Variants in GPAT3 observed in about 807,000 individuals in gnomAD.
GPAT3 encodes the protein glycerol-3-phosphate acyltransferase 3.
GPAT3 carries 53 observed loss-of-function variants against 58.8 expected under a neutral mutation model. The ratio of observed to expected loss-of-function variants is 0.90; its 90% CI spans 0.72 to 1.13. The LOEUF (loss-of-function observed/expected upper bound fraction) is 1.13, where lower values mean the gene tolerates loss of function less well. Ranked by LOEUF, GPAT3 falls within the 50% of genes most tolerant of loss-of-function variation. GPAT3 has a pLI of 0.00. For missense variants in GPAT3, 511 were observed against 527.6 expected, an observed-to-expected ratio of 0.97 and a Z score of 0.31; for synonymous variants, 197 against 187.4, an observed-to-expected ratio of 1.05 and a Z score of -0.42.
chr4:83,599,326 G>A (rs1001581636), intron 11 of GPAT3, among the ~76,000 whole-genome samples: 2 of 152,150 alleles, frequency 1.3e-5, no homozygotes, highest in Non-Finnish European at 2.9e-5. Flanking sequence ...TACTCAGTGT[G>A]TACAGCAAAT....
intron 1 of GPAT3, among the ~76,000 whole-genome samples, chr4:83,544,220 C>T (rs974768639): frequency 2.0e-5 from 3 of 152,250 alleles, no homozygotes; most frequent in East Asian, 1.9e-4. Context: ...TTCTTGATGC[C>T]GTGACCTGTA....
intron 2 of GPAT3, among the ~76,000 whole-genome samples, chr4:83,561,504 C>T (rs1578172272): frequency 6.6e-6 from 1 of 152,134 alleles, no homozygotes; most frequent in African/African-American, 2.4e-5. Context: ...AAATAACATC[C>T]TCATTGTCAG....
chr4:83,573,914 C>A (rs759242701), intron 2 of GPAT3, among the ~76,000 whole-genome samples: 7 of 152,180 alleles, frequency 4.6e-5, no homozygotes, highest in Non-Finnish European at 8.8e-5. Context: ...AGAACATTCC[C>A]CCAAGGCCCC....
In GPAT3 at chr4:83,581,796, G is replaced by A. The variant is rs544702576; in HGVS notation, c.443G>A (p.Gly148Asp). ...CGGCTCACTATGGTGTGGGTGCTGG[G>A]CGTCATAGTGCGCTATTGTGTCCTA... ...SLRLTMVWVL[G>D]VIVRYCVLLP... is the part of the protein sequence containing the mutation. The change falls in exon 3 of 12, where the codon GGC becomes GAC. Residue 148 changes from glycine (G) to aspartate (D), a missense_variant. Coordinates refer to ENST00000264409, the MANE Select transcript of GPAT3 (RefSeq NM_032717.5). 9.9e-6 allele frequency: 16 copies of A among 1,614,058 alleles called. No homozygotes were observed. In the East Asian group the frequency reaches 1.3e-4, roughly 13 times the overall value.
intron 3 of GPAT3, 135 bp downstream of exon 3, chr4:83,581,967 C>A: frequency 2.5e-6 from 3 of 1,213,416 alleles, no homozygotes; most frequent in Non-Finnish European, 3.4e-6. Flanking sequence ...CCAAACATGA[C>A]CTCTAAAGGA....
chr4:83,545,540 A>G (rs1444923977), intron 2 of GPAT3, among the ~76,000 whole-genome samples: 2 of 152,208 alleles, frequency 1.3e-5, no homozygotes, highest in Admixed American at 1.3e-4. Flanking sequence ...TGTATTCTAT[A>G]GTGAGTTTTG....
chr4:83,537,002 C>A lies in GPAT3; in HGVS notation c.141+239C>A, dbSNP rs1326636974. Among the ~76,000 whole-genome samples, 3 of 152,072 alleles carry A rather than the reference C, an allele frequency of 2.0e-5. No individual in the cohort carries two copies. In the East Asian group the frequency reaches 5.8e-4, roughly 29 times the overall value. On this transcript the variant is annotated intron_variant, in intron 1 of 11. Transcript: ENST00000264409. ...ACTCTGTTGTTTCTCTGGTCGAAGG[C>A]GAAAAAATCATTCCACTCCCTGAGC...
intron 6 of GPAT3, among the ~76,000 whole-genome samples, chr4:83,591,442 G>A (rs984788705): frequency 6.6e-6 from 1 of 152,110 alleles, no homozygotes; most frequent in African/African-American, 2.4e-5. Flanking sequence ...CTAAGAAAGC[G>A]TTAGCCACCT....
rs115170924 is a variant in GPAT3 at position 83,593,821 on chromosome 4, A to G, written c.739-1024A>G. 2.6e-3 allele frequency among the ~76,000 whole-genome samples: 397 copies of G among 152,238 alleles called. 1 individual carries two copies. The highest frequency in any genetic ancestry group is 6.6e-3 in the Admixed American group (101 of 15,282). On this transcript the variant is annotated intron_variant, in intron 6 of 11. Transcript: ENST00000264409. ...TGTTCTTTTACTCATTTAAAATCCA[A>G]TTGGGTTCACTGGCTTCAGTTTGCT...
rs572673565 is a variant in GPAT3, at chr4:83,572,384, A to G, written c.209-9178A>G. Among the ~76,000 whole-genome samples, 4 of 152,344 alleles carry G rather than the reference A, an allele frequency of 2.6e-5. No homozygotes were observed. In the South Asian group the frequency reaches 8.3e-4, roughly 32 times the overall value. The stretch of plus-strand genomic sequence containing the variant: ...TCTTAAGTGCATTTTTAAGCATAGT[A>G]TTAATTTTTTAAAAGTAGAAAGAAT... On this transcript the variant is annotated intron_variant, in intron 2 of 11. Coordinates refer to ENST00000264409, the MANE Select transcript of GPAT3 (RefSeq NM_032717.5).
chr4:83,605,688 C>T lies in GPAT3; in HGVS notation c.*921C>T, dbSNP rs1727227985. Reference sequence around the variant, plus strand: ...ACAGAAAAATGACTGATATAATTATCTTTTGGAAACTGAGCCTTAATTTTT... The same window carrying T: ...ACAGAAAAATGACTGATATAATTATTTTTTGGAAACTGAGCCTTAATTTTT... On this transcript the variant is annotated 3_prime_UTR_variant, in exon 12 of 12. Transcript: ENST00000264409. 1 of 152,440 alleles carries T rather than the reference C, an allele frequency of 6.6e-6. No homozygotes were observed. The highest frequency in any genetic ancestry group is 1.5e-5 in the Non-Finnish European group (1 of 68,008). The allele number at this position is 152,440 out of a possible 1,614,324, so 9.4% of individuals were successfully genotyped here.
At chr4:83,591,067 G>A (rs1726581512) in intron 6 of GPAT3, among the ~76,000 whole-genome samples, 1 of 152,050 alleles carries the variant, frequency 6.6e-6, no homozygotes. Flanking sequence ...CTAGGGGATC[G>A]CCTTTTCAAA....
rs1171441049 is a variant in GPAT3, at chr4:83,598,153, T to C, written c.1099T>C (p.Trp367Arg). 1.2e-6 allele frequency: 2 copies of C among 1,613,582 alleles called. No homozygotes were observed. Among genetic ancestry groups the C allele is most frequent in the South Asian group, 2.2e-5 (2 of 91,014 alleles). ...CAGCTGGGCCATCGTCTGTGACGTG[T>C]GGTACATGCCCCCCATGACCAGAGA... ...MTSWAIVCDV[W>R]YMPPMTREEG... Residue 367 changes from tryptophan (W) to arginine (R), a missense_variant, in exon 10 of 12, where the codon TGG becomes CGG. Trp to Arg is a moderately radical substitution (Grantham distance 101). Coordinates refer to ENST00000264409, the MANE Select transcript of GPAT3 (RefSeq NM_032717.5).
At chr4:83,590,398 C>A in intron 6 of GPAT3, 106 bp downstream of exon 6, 1 of 937,376 alleles carries the variant, frequency 1.1e-6, no homozygotes, top group Non-Finnish European at 1.6e-6. Flanking sequence ...AGAAATTTGA[C>A]TGCGTTATAC....
At chr4:83,577,218 A>G (rs2110093323) in intron 2 of GPAT3, among the ~76,000 whole-genome samples, 1 of 152,324 alleles carries the variant, frequency 6.6e-6, no homozygotes, top group South Asian at 2.1e-4. Context: ...AGACAAAGGA[A>G]GGCTGAGGAA....
intron 1 of GPAT3, 100 bp downstream of exon 1, chr4:83,536,863 T>A: frequency 9.0e-7 from 1 of 1,116,134 alleles, no homozygotes; most frequent in Non-Finnish European, 1.3e-6. Flanking sequence ...GGGGTGTGTG[T>A]GCGCGCGTGT....
intron 9 of GPAT3, among the ~76,000 whole-genome samples, 182 bp downstream of exon 9, chr4:83,597,697 G>C (rs529794922): frequency 4.6e-5 from 7 of 152,278 alleles, no homozygotes; most frequent in African/African-American, 1.7e-4. Context: ...TATGTAGATA[G>C]ATGTATACTG....
chr4:83,603,636 C>G (rs903778690), intron 11 of GPAT3, among the ~76,000 whole-genome samples: 1 of 151,786 alleles, frequency 6.6e-6, no homozygotes, highest in African/African-American at 2.4e-5. Context: ...ATTAAAAATA[C>G]AAAATTAGCC....
chr4:83,539,829 A>G (rs1340526642), intron 1 of GPAT3, among the ~76,000 whole-genome samples: 1 of 152,246 alleles, frequency 6.6e-6, no homozygotes, highest in African/African-American at 2.4e-5. Context: ...ACAGCTTTAT[A>G]GTCGAGAAAA....
Sources: allele counts gnomAD v4.1 joint callset (sites outside exome capture counted in the v4.1 genomes callset), GRCh38; gene constraint gnomAD v4.1.1; transcripts MANE v1.5; gene names NCBI Gene and HGNC (gene_info 2026-07-23, HGNC 2026-07-21).